CD163: variants seen among roughly 807,000 people sequenced by gnomAD.
CD163 encodes CD163 molecule, also known as scavenger receptor cysteine-rich type 1 protein M130.
A neutral mutation model predicts 129.2 loss-of-function variants in CD163; 64 were observed. That is an observed-to-expected ratio of 0.50 (90% confidence interval 0.41 to 0.61). The LOEUF is 0.61. Ranked by LOEUF, CD163 falls within the 20% of genes least tolerant of loss-of-function variation. The pLI, the probability that CD163 is intolerant of heterozygous loss-of-function variation, is 0.00. For missense variants in CD163, 1,061 were observed against 1,377.9 expected (o/e 0.77, Z 3.64); for synonymous variants, 446 against 478.5 (o/e 0.93, Z 0.89).
At chr12:7,499,673 G>A (rs1010846627) in intron 3 of CD163, among the ~76,000 whole-genome samples, 2 of 152,148 alleles carry the variant, frequency 1.3e-5, no homozygotes, top group Admixed American at 6.5e-5. Context: ...TATGATAAGA[G>A]CCTGCTAAAA....
At chr12:7,498,269 A>G (rs2136737297) in intron 4 of CD163, among the ~76,000 whole-genome samples, 1 of 152,306 alleles carries the variant, frequency 6.6e-6, no homozygotes, top group African/African-American at 2.4e-5. Flanking sequence ...AGAATTCAAC[A>G]GAAAAACGAA....
intron 16 of CD163, among the ~76,000 whole-genome samples, chr12:7,473,559 G>A (rs1331326283): frequency 6.6e-6 from 1 of 152,108 alleles, no homozygotes; most frequent in Non-Finnish European, 1.5e-5. Flanking sequence ...TGCCTTACAA[G>A]AGCTCCTGAA....
chr12:7,477,481 C>A (rs371338556), intron 16 of CD163, among the ~76,000 whole-genome samples: 97 of 152,228 alleles, frequency 6.4e-4, no homozygotes, highest in African/African-American at 2.0e-3. Flanking sequence ...CAAACTAACA[C>A]AGGAACGGAA....
intron 16 of CD163, among the ~76,000 whole-genome samples, chr12:7,478,290 AG>A (rs923990755): frequency 6.6e-6 from 1 of 152,154 alleles, no homozygotes; most frequent in African/African-American, 2.4e-5. Context: ...CTTTCTCCAA[AG>A]GCTACCTACC....
rs1236508424 is a variant in CD163, at chr12:7,470,939, T to G, written c.*490A>C. On this transcript the variant is annotated 3_prime_UTR_variant, in exon 17 of 17. Coordinates refer to ENST00000432237, the MANE Select transcript of CD163 (RefSeq NM_203416.4). ...TTAGCCATATATTATTTACAGACCC[T>G]TCAATATCATTAACTTTTCCTGTCT... 6.6e-6 allele frequency: 1 copy of G among 152,112 alleles called. No individual in the cohort carries two copies. Among genetic ancestry groups the G allele is most frequent in the East Asian group, 1.9e-4 (1 of 5,200 alleles). The allele number at this position is 152,112 out of a possible 1,614,324, so 9.4% of individuals were successfully genotyped here. A position where few individuals can be genotyped will look rare whatever the true frequency, so the allele number is the denominator to read the frequency against.
chr12:7,497,301 T>TGAGC (rs1454796632), intron 4 of CD163, among the ~76,000 whole-genome samples, 168 bp from the exon 5 acceptor site: 1 of 151,670 alleles, frequency 6.6e-6, no homozygotes, highest in Non-Finnish European at 1.5e-5. Flanking sequence ...GAAGGAGGAG[T>TGAGC]GGATCAGGCA....
Position 7,497,014 on chromosome 12 carries a change from C to T in CD163, c.898G>A (p.Ala300Thr). 6.2e-7 allele frequency: 1 copy of T among 1,614,098 alleles called. No homozygotes were observed. Among genetic ancestry groups the T allele is most frequent in the Non-Finnish European group, 8.5e-7 (1 of 1,180,006 alleles). Reference protein sequence around the residue: ...ICDDGWDSYDAAVACKQLGCP... With the variant: ...ICDDGWDSYDTAVACKQLGCP... The stretch of plus-strand genomic sequence containing the variant: ...CCCAGTTGCTTGCATGCCACAGCAG[C>T]ATCGTAACTGTCCCAGCCGTCATCA... The change falls in exon 5 of 17, where the codon GCT becomes ACT. Residue 300 changes from alanine to threonine, a missense_variant. Ala to Thr is a moderately conservative substitution (Grantham distance 58). Transcript: ENST00000432237.
intron 4 of CD163, among the ~76,000 whole-genome samples, chr12:7,498,154 G>C (rs1259858220): frequency 4.0e-5 from 6 of 150,820 alleles, no homozygotes; most frequent in African/African-American, 7.4e-5. Context: ...CACAGAGAGA[G>C]AGAGAGAGAG....
At position 7,482,638 on chromosome 12, in the gene CD163, C is replaced by A; in HGVS notation, c.3247+5G>T. 6.2e-7 allele frequency: 1 copy of A among 1,613,876 alleles called. No homozygotes were observed. Among genetic ancestry groups the A allele is most frequent in the Non-Finnish European group, 8.5e-7 (1 of 1,179,930 alleles). Reference sequence around the variant, plus strand: ...CATATTAGATAAACCAAATTTGGCTCAAACCTGCAAGCCGCTGTCTCTGTC... The same window carrying A: ...CATATTAGATAAACCAAATTTGGCTAAAACCTGCAAGCCGCTGTCTCTGTC... On this transcript the variant is annotated splice_donor_5th_base_variant and intron_variant, in intron 14 of 16. Coordinates refer to ENST00000432237, the MANE Select transcript of CD163 (RefSeq NM_203416.4).
chr12:7,501,845 G>A (rs994530965), intron 2 of CD163, among the ~76,000 whole-genome samples: 5 of 152,240 alleles, frequency 3.3e-5, no homozygotes, highest in Admixed American at 6.5e-5. Flanking sequence ...ATAGAAAGAA[G>A]GCTGATAGAG....
At chr12:7,498,390 G>A (rs1949432298) in intron 4 of CD163, among the ~76,000 whole-genome samples, 1 of 152,064 alleles carries the variant, frequency 6.6e-6, no homozygotes, top group African/African-American at 2.4e-5. Flanking sequence ...AAGTTTTAAT[G>A]AGAAACCAAT....
At position 7,478,851 on chromosome 12, in the gene CD163, C is replaced by T. The variant is rs78773530; in HGVS notation, c.*31+1009G>A. 8.9e-3 allele frequency among the ~76,000 whole-genome samples: 1,347 copies of T among 151,860 alleles called. 23 individuals are homozygous for T. Among genetic ancestry groups the T allele is most frequent in the African/African-American group, 0.03 (1,227 of 41,418 alleles). ...AATATTTCTATAAAAAATACTTTTT[C>T]TACATTTCATTTCTAGATGTAGTCT... On this transcript the variant is annotated intron_variant, in intron 16 of 16. Transcript: ENST00000432237.
At chr12:7,500,181 G>C (rs938641075) in intron 3 of CD163, among the ~76,000 whole-genome samples, 60 of 152,058 alleles carry the variant, frequency 3.9e-4, no homozygotes, top group African/African-American at 1.4e-3. Flanking sequence ...AGGATTTTGG[G>C]AGGCCGAGGC....
At chr12:7,472,602 C>A (rs1243536384) in intron 16 of CD163, among the ~76,000 whole-genome samples, 4 of 152,160 alleles carry the variant, frequency 2.6e-5, no homozygotes, top group African/African-American at 9.7e-5. Flanking sequence ...GTAGATAAAT[C>A]GATGAAGATG....
chr12:7,496,765 G>C lies in CD163; in HGVS notation c.1099+48C>G. The C allele has an allele frequency of 6.5e-7, 1 of 1,548,158 alleles. No homozygotes were observed. Among genetic ancestry groups the C allele is most frequent in the Non-Finnish European group, 8.9e-7 (1 of 1,121,950 alleles). On this transcript the variant is annotated intron_variant, in intron 5 of 16. Transcript: ENST00000432237. The surrounding 1 kb of genome is among the most constrained non-coding windows in gnomAD (Gnocchi z 4.8). Reference sequence around the variant, plus strand: ...AAGGAGCACAGGACTTTCCGTTTCTGCTTTTCTTTTTGTTTAGTGTTTTGG... The same window carrying C: ...AAGGAGCACAGGACTTTCCGTTTCTCCTTTTCTTTTTGTTTAGTGTTTTGG...
Position 7,487,514 on chromosome 12 carries a change from G to T in CD163, c.1895C>A (p.Thr632Asn). ...TTTTCCAAAACGTGCTCCTCCTGGG[G>T]TAGAAAGGGCAACTCCACATTTAAG... is the stretch of plus-strand genomic sequence containing the variant. ...QQLKCGVALSTPGGARFGKGN... is the reference protein window; with the variant it reads ...QQLKCGVALSNPGGARFGKGN... The change falls in exon 8 of 17, where the codon ACC becomes AAC. Residue 632 changes from threonine (T) to asparagine (N), a missense_variant. By Grantham distance (65) the Thr-to-Asn change is moderately conservative. Transcript: ENST00000432237. The surrounding 1 kb of genome is among the most constrained non-coding windows in gnomAD (Gnocchi z 5.1). 1 of 1,614,062 alleles carries T rather than the reference G, an allele frequency of 6.2e-7. No individual in the cohort carries two copies. The highest frequency in any genetic ancestry group is 8.5e-7 in the Non-Finnish European group (1 of 1,180,002).
Position 7,503,669 on chromosome 12 carries a change from G to C in CD163, c.22C>G (p.Leu8Val), listed in dbSNP as rs1427792898. MSKLRMV[L>V]LEDSGSADFR... Reference sequence around the variant, plus strand: ...CCAGCAGATCCAGAGTCTTCAAGTAGCACCATTCTGAGTTTGCTCATTCCA... The same window carrying C: ...CCAGCAGATCCAGAGTCTTCAAGTACCACCATTCTGAGTTTGCTCATTCCA... The change falls in exon 1 of 17, where the codon CTA becomes GTA. Residue 8 changes from leucine to valine, a missense_variant. Transcript: ENST00000432237. 6.2e-7 allele frequency: 1 copy of C among 1,602,910 alleles called. No individual in the cohort carries two copies.
rs968111440 is a variant in CD163, at chr12:7,486,526, T to C, written c.2431A>G (p.Lys811Glu). Residue 811 changes from lysine to glutamate, a missense_variant, in exon 10 of 17, where the codon AAG (lysine) becomes GAG (glutamate). Coordinates refer to ENST00000432237, the MANE Select transcript of CD163 (RefSeq NM_203416.4). The part of the protein sequence containing the change: ...HGWGQQNCRH[K>E]EDAGVICSEF... The stretch of plus-strand genomic sequence containing the variant: ...GAGCAGATAACTCCCGCATCCTCCT[T>C]GTGCCTGCAATTTTGCTGCCCCCAG... 6.2e-7 allele frequency: 1 copy of C among 1,614,182 alleles called. No homozygotes were observed. Among genetic ancestry groups the C allele is most frequent in the Non-Finnish European group, 8.5e-7 (1 of 1,179,994 alleles).
Position 7,481,246 on chromosome 12 carries a change from T to TC in CD163, c.3257dup (p.Gly1087ArgfsTer21), listed in dbSNP as rs1297069306. The TC allele has an allele frequency of 5.6e-6, 9 of 1,613,232 alleles. No homozygotes were observed. The highest frequency in any genetic ancestry group is 7.6e-6 in the Non-Finnish European group (9 of 1,179,418). Reference sequence around the variant, plus strand: ...GAATTTGGTGGACTAAGTTCTCTCCTCTTGAGGAAACTGAAAACAGAGATC... The same window carrying TC: ...GAATTTGGTGGACTAAGTTCTCTCCTCCTTGAGGAAACTGAAAACAGAGATC... On this transcript the variant is annotated frameshift_variant, in exon 15 of 17. Coordinates refer to ENST00000432237, the MANE Select transcript of CD163 (RefSeq NM_203416.4). LOFTEE classifies it high-confidence loss of function.
Sources: allele counts gnomAD v4.1 joint callset (sites outside exome capture counted in the v4.1 genomes callset), GRCh38; gene constraint gnomAD v4.1.1; non-coding constraint Gnocchi (gnomAD v3.1); transcripts MANE v1.5; gene names NCBI Gene and HGNC (gene_info 2026-07-23, HGNC 2026-07-21).